The following NDUFV2 variants were observed in gnomAD, a reference collection of about 807,000 sequenced individuals.
The protein encoded by NDUFV2 is NADH:ubiquinone oxidoreductase core subunit V2, also known as NADH dehydrogenase [ubiquinone] flavoprotein 2, mitochondrial.
Under a neutral mutation model 31.6 loss-of-function variants are expected in NDUFV2, and 18 were observed. The ratio of observed to expected loss-of-function variants is 0.57; its 90% CI spans 0.39 to 0.84. NDUFV2 has a LOEUF of 0.84. NDUFV2 is among the 40% of genes least tolerant of loss of function. NDUFV2 has a pLI of 0.00. For synonymous variants in NDUFV2, 83 were observed against 99.8 expected, an observed-to-expected ratio of 0.83 and a Z score of 1.01; for missense variants, 314 against 303.6, an observed-to-expected ratio of 1.03 and a Z score of -0.26.
chr18:9,127,017 CT>C (rs1034138561), intron 7 of NDUFV2, 110 bp downstream of exon 7: 12 of 872,336 alleles, frequency 1.4e-5, no homozygotes, highest in Non-Finnish European at 2.3e-5. Context: ...TTGGTAGGAG[CT>C]TTGGATAGTA....
chr18:9,130,472 A>G (rs2078030661), intron 7 of NDUFV2, among the ~76,000 whole-genome samples: 1 of 152,212 alleles, frequency 6.6e-6, no homozygotes, highest in African/African-American at 2.4e-5. Context: ...ACAAAAGTCT[A>G]CTTAGGTTTC....
intron 4 of NDUFV2, among the ~76,000 whole-genome samples, chr18:9,122,201 A>G (rs2077942738): frequency 6.6e-6 from 1 of 152,214 alleles, no homozygotes; most frequent in Non-Finnish European, 1.5e-5. Context: ...GAAATTCTTA[A>G]TAGTGAAATA....
At chr18:9,123,548 G>A (rs1186156082) in intron 5 of NDUFV2, among the ~76,000 whole-genome samples, 1 of 151,688 alleles carries the variant, frequency 6.6e-6, no homozygotes, top group Non-Finnish European at 1.5e-5. Context: ...TGCAGTGGCT[G>A]GATCATGGCT....
Position 9,126,881 on chromosome 18 carries a change from T to C in NDUFV2, c.630T>C (p.Ala210=). Residue 210 remains alanine (A), a synonymous_variant, in exon 7 of 8, where the codon GCT becomes GCC. Transcript: ENST00000318388. ...AAGAAATTATTGATGAGCTCAAGGC[T>C]GGCAAAATCCCAAAACCAGGGCCAA... ...DIEEIIDELK[A]GKIPKPGPRS... 6.2e-7 allele frequency: 1 copy of C among 1,613,994 alleles called. No individual in the cohort carries two copies. The highest frequency in any genetic ancestry group is 1.3e-5 in the African/African-American group (1 of 75,056).
At chr18:9,117,925 T>C in intron 2 of NDUFV2, 22 bp downstream of exon 2, 1 of 1,530,922 alleles carries the variant, frequency 6.5e-7, no homozygotes, top group Non-Finnish European at 9.1e-7. Context: ...CTTAGATTTC[T>C]TTGGAAAGAA....
At chr18:9,114,925 TTTTTA>T (rs2077890614) in intron 1 of NDUFV2, among the ~76,000 whole-genome samples, 1 of 152,234 alleles carries the variant, frequency 6.6e-6, no homozygotes, top group Non-Finnish European at 1.5e-5. Flanking sequence ...TATCTCTATA[TTTTTA>T]TTTTAAGTAA....
At chr18:9,132,414 T>C (rs949440226) in intron 7 of NDUFV2, 1 of 152,238 alleles carries the variant, frequency 6.6e-6, no homozygotes, top group African/African-American at 2.4e-5. Flanking sequence ...ATGAAACTTT[T>C]AAATCATATT....
At chr18:9,123,206 CTATA>C (rs1443950610) in intron 5 of NDUFV2, among the ~76,000 whole-genome samples, 4 of 152,110 alleles carry the variant, frequency 2.6e-5, no homozygotes, top group African/African-American at 7.2e-5. Context: ...ACACTTCTAA[CTATA>C]TATGTCAAAT....
chr18:9,120,423 C>T (rs193110200), intron 4 of NDUFV2, among the ~76,000 whole-genome samples: 43 of 152,238 alleles, frequency 2.8e-4, no homozygotes, highest in Middle Eastern at 3.4e-3. Flanking sequence ...GATTTCTGAG[C>T]GGTAGTGCTA....
chr18:9,122,779 A>G, intron 5 of NDUFV2, 98 bp downstream of exon 5: 2 of 1,194,662 alleles, frequency 1.7e-6, no homozygotes, highest in Admixed American at 3.7e-5. Context: ...CTGCCATCTT[A>G]TTGGATCTGT....
intron 7 of NDUFV2, chr18:9,133,336 A>C (rs2078057244): frequency 6.6e-6 from 1 of 152,360 alleles, no homozygotes; most frequent in Admixed American, 6.5e-5. Context: ...ACATACAGTA[A>C]GTCTGAGCTG....
chr18:9,134,143 C>T (rs755664632), intron 7 of NDUFV2, 43 bp from the exon 8 acceptor site: 1 of 1,481,072 alleles, frequency 6.8e-7, no homozygotes, highest in South Asian at 1.1e-5. Flanking sequence ...TAAAAATTTA[C>T]AAATGTTAAT....
intron 1 of NDUFV2, among the ~76,000 whole-genome samples, chr18:9,115,298 GATA>G (rs1282811204): frequency 1.3e-5 from 2 of 152,274 alleles, no homozygotes; most frequent in Non-Finnish European, 2.9e-5. Flanking sequence ...TAATTGGGAT[GATA>G]ATTTATGCAT....
In NDUFV2 at chr18:9,102,706, C is replaced by T; in HGVS notation, c.-38C>T. On this transcript the variant is annotated 5_prime_UTR_variant, in exon 1 of 8. Coordinates refer to ENST00000318388, the MANE Select transcript of NDUFV2 (RefSeq NM_021074.5). ...GCCCTGGGCGCGCTCGGGATTCTCG[C>T]CTGGCGCGGCTGGGGAAGGTGAACA... The T allele has an allele frequency of 3.2e-6, 5 of 1,567,544 alleles. No individual in the cohort carries two copies. Among genetic ancestry groups the T allele is most frequent in the Non-Finnish European group, 4.3e-6 (5 of 1,159,174 alleles).
chr18:9,106,428 G>T (rs1219392477), intron 1 of NDUFV2, among the ~76,000 whole-genome samples: 3 of 152,156 alleles, frequency 2.0e-5, no homozygotes, highest in African/African-American at 7.2e-5. Context: ...ATTATTCAGT[G>T]GTTTGCCCTG....
Position 9,134,325 on chromosome 18 carries a change from C to T in NDUFV2, c.*46C>T, listed in dbSNP as rs200122696. On this transcript the variant is annotated 3_prime_UTR_variant, in exon 8 of 8. Transcript: ENST00000318388. ...TGTCACTAGAGAAATAAAATATGGA[C>T]TTCCAATCTACGTAAACTTATTTGT... The T allele has an allele frequency of 6.3e-5, 87 of 1,378,012 alleles. 1 individual carries two copies. The East Asian group carries it at 9.2e-4, about 15-fold the overall frequency. 85.4% of individuals were successfully genotyped at this position (1,378,012 alleles called of 1,614,324 possible).
At chr18:9,124,803 T>C in intron 5 of NDUFV2, 71 bp from the exon 6 acceptor site, 2 of 360,566 alleles carry the variant, frequency 5.5e-6, no homozygotes, top group South Asian at 9.3e-5. Flanking sequence ...TAAAAATTCT[T>C]TTTTTTTTTT....
At chr18:9,103,038 G>T (rs1340036761) in intron 1 of NDUFV2, 1 of 490,820 alleles carries the variant, frequency 2.0e-6, no homozygotes, top group African/African-American at 2.0e-5. Flanking sequence ...GAAAAGAGGG[G>T]CTGCTTGGTG....
At chr18:9,132,656 T>C (rs1437133183) in intron 7 of NDUFV2, among the ~76,000 whole-genome samples, 1 of 152,110 alleles carries the variant, frequency 6.6e-6, no homozygotes, top group Non-Finnish European at 1.5e-5. Context: ...GGACAGATTG[T>C]TTGAGCCCAC....
Sources: gnomAD v4.1 joint callset for allele counts (sites outside exome capture counted in the v4.1 genomes callset) on GRCh38, gnomAD v4.1.1 for gene constraint, MANE v1.5 for transcripts, NCBI Gene and HGNC (gene_info 2026-07-23, HGNC 2026-07-21) for gene names.